The following NRXN3 variants were observed in gnomAD, a reference collection of about 807,000 sequenced individuals.
NRXN3 encodes the protein neurexin III.
NRXN3 carries 32 observed loss-of-function variants against 137.6 expected under a neutral mutation model. The observed-to-expected ratio is 0.23, with a 90% CI of 0.18 to 0.31. The LOEUF is 0.31. Ranked by LOEUF, NRXN3 falls within the 10% of genes least tolerant of loss-of-function variation. NRXN3 has a pLI of 1.00. For missense variants in NRXN3, 1,574 were observed against 2,062.5 expected, an observed-to-expected ratio of 0.76 and a Z score of 4.59; for synonymous variants, 798 against 784.5, an observed-to-expected ratio of 1.02 and a Z score of -0.29.
chr14:79,133,019 G>A (rs538302834), intron 15 of NRXN3, among the ~76,000 whole-genome samples: 2 of 152,330 alleles, frequency 1.3e-5, no homozygotes, highest in East Asian at 3.9e-4. Context: ...TGTGTCTGAG[G>A]CCAACCCTGA....
intron 15 of NRXN3, among the ~76,000 whole-genome samples, chr14:79,357,875 T>C (rs923939303): frequency 3.3e-5 from 5 of 152,200 alleles, no homozygotes; most frequent in Non-Finnish European, 7.3e-5. Flanking sequence ...TATGTGCATG[T>C]GATTTTGGTG....
At chr14:78,372,329 G>T in intron 4 of NRXN3, among the ~76,000 whole-genome samples, 1 of 148,520 alleles carries the variant, frequency 6.7e-6, no homozygotes, top group South Asian at 2.1e-4. Context: ...TATACTTTAA[G>T]TTTTAGGGTA....
chr14:78,405,511 C>CCTCCTCAT (rs1477867212), intron 4 of NRXN3, among the ~76,000 whole-genome samples: 1 of 151,744 alleles, frequency 6.6e-6, no homozygotes, highest in African/African-American at 2.4e-5. Flanking sequence ...CTGATCATTC[C>CCTCCTCAT]CTCCTCATCT....
At chr14:78,255,022 T>C (rs950026054) in intron 2 of NRXN3, among the ~76,000 whole-genome samples, 3 of 152,028 alleles carry the variant, frequency 2.0e-5, no homozygotes, top group Admixed American at 6.6e-5. Context: ...GGGAAAGGGC[T>C]TAGGCAGGGC....
chr14:79,450,169 G>C (rs569459987), intron 15 of NRXN3, among the ~76,000 whole-genome samples: 4 of 152,026 alleles, frequency 2.6e-5, no homozygotes, highest in Admixed American at 6.6e-5. Flanking sequence ...GCATCCTTAA[G>C]TGACAGAGTG....
intron 4 of NRXN3, among the ~76,000 whole-genome samples, chr14:78,312,869 C>A (rs2078138055): frequency 6.6e-6 from 1 of 152,054 alleles, no homozygotes; most frequent in African/African-American, 2.4e-5. Context: ...GCTTTTTTTC[C>A]AGGATAGAAT....
chr14:78,768,745 G>A (rs2098717188), intron 8 of NRXN3, among the ~76,000 whole-genome samples: 1 of 152,072 alleles, frequency 6.6e-6, no homozygotes, highest in African/African-American at 2.4e-5. Flanking sequence ...CATATTTCAG[G>A]GACAGAGTTT....
chr14:79,420,107 T>C (rs2095554517), intron 15 of NRXN3, among the ~76,000 whole-genome samples: 1 of 152,168 alleles, frequency 6.6e-6, no homozygotes, highest in Admixed American at 6.5e-5. Flanking sequence ...AGTAGTGGTG[T>C]AGTAGTAGGA....
rs35371414 is a variant in NRXN3, at chr14:79,499,956, CGTGT to C, written c.3444+32587_3444+32590del. On this transcript the variant is annotated intron_variant, in intron 16 of 20. Transcript: ENST00000335750. ...GGTTTTCTGTCAGTTATCTTAGGGT[CGTGT>C]GTGTGTGTGTGTGTGTGTGTGTGTG... Among the ~76,000 whole-genome samples the C allele has an allele frequency of 9.1e-3, 1,320 of 145,042 alleles. 5 individuals carry two copies. Among genetic ancestry groups the C allele is most frequent in the Non-Finnish European group, 0.014 (957 of 66,090 alleles).
At chr14:79,395,534 C>A (rs954868419) in intron 15 of NRXN3, among the ~76,000 whole-genome samples, 1 of 149,454 alleles carries the variant, frequency 6.7e-6, no homozygotes, top group Non-Finnish European at 1.5e-5. Context: ...TGAGGCCGGG[C>A]GTGGTGGCTC....
At chr14:78,586,434 A>G (rs988069900) in intron 4 of NRXN3, among the ~76,000 whole-genome samples, 1 of 152,192 alleles carries the variant, frequency 6.6e-6, no homozygotes, top group Non-Finnish European at 1.5e-5. Flanking sequence ...ACTTCCCCAT[A>G]AGGACGGTAG....
chr14:78,528,391 T>C (rs2096411423), intron 4 of NRXN3, among the ~76,000 whole-genome samples: 1 of 152,164 alleles, frequency 6.6e-6, no homozygotes, highest in African/African-American at 2.4e-5. Context: ...ACACTCCTGA[T>C]TAAATGTGAA....
intron 4 of NRXN3, among the ~76,000 whole-genome samples, chr14:78,483,962 A>G (rs2095513459): frequency 6.7e-6 from 1 of 150,288 alleles, no homozygotes; most frequent in Admixed American, 6.7e-5. Flanking sequence ...ATTTTTCAGC[A>G]TAAACCAAGG....
intron 15 of NRXN3, among the ~76,000 whole-genome samples, chr14:79,213,215 G>T (rs2067962882): frequency 6.6e-6 from 1 of 152,052 alleles, no homozygotes. Context: ...AGTGGTAAAG[G>T]TGTATGCCTC....
chr14:79,318,454 A>T (rs1332574947), intron 15 of NRXN3, among the ~76,000 whole-genome samples: 2 of 152,178 alleles, frequency 1.3e-5, no homozygotes, highest in Non-Finnish European at 2.9e-5. Context: ...CGATTACTTT[A>T]TCTGTGGTGA....
At chr14:78,638,638 A>C (rs749713469) in intron 4 of NRXN3, among the ~76,000 whole-genome samples, 53 of 152,176 alleles carry the variant, frequency 3.5e-4, no homozygotes, top group Non-Finnish European at 5.4e-4. Flanking sequence ...ACAGCTCAGC[A>C]GATAACTTGG....
chr14:79,540,128 G>A (rs1340185975), intron 16 of NRXN3, among the ~76,000 whole-genome samples: 1 of 152,088 alleles, frequency 6.6e-6, no homozygotes, highest in African/African-American at 2.4e-5. Flanking sequence ...AGTGTAGTCT[G>A]TATTCCCTTA....
intron 8 of NRXN3, among the ~76,000 whole-genome samples, chr14:78,731,707 T>A (rs2098516651): frequency 6.6e-6 from 1 of 151,528 alleles, no homozygotes; most frequent in African/African-American, 2.4e-5. Context: ...ATATATATAT[T>A]ATTTGGGAGA....
At chr14:78,326,539 T>C (rs1255750188) in intron 4 of NRXN3, among the ~76,000 whole-genome samples, 2 of 151,996 alleles carry the variant, frequency 1.3e-5, no homozygotes, top group Non-Finnish European at 2.9e-5. Context: ...ATTGACAATG[T>C]AGAGGAAGTA....
Sources: gnomAD v4.1 joint callset for allele counts (sites outside exome capture counted in the v4.1 genomes callset) on GRCh38, gnomAD v4.1.1 for gene constraint, MANE v1.5 for transcripts, NCBI Gene and HGNC (gene_info 2026-07-23, HGNC 2026-07-21) for gene names.